The following DSCAML1 variants were observed in gnomAD, a reference collection of about 807,000 sequenced individuals.
DSCAML1 encodes DS cell adhesion molecule like 1.
Under a neutral mutation model 200.5 loss-of-function variants are expected in DSCAML1, and 38 were observed. The observed-to-expected ratio is 0.19, with a 90% CI of 0.15 to 0.25. The LOEUF is 0.25. Ranked by LOEUF, DSCAML1 falls within the 10% of genes least tolerant of loss-of-function variation. DSCAML1 has a pLI of 1.00. For missense variants in DSCAML1, 2,223 were observed against 2,858.8 expected (o/e 0.78, Z 5.07); for synonymous variants, 1,215 against 1,165.0 (o/e 1.04, Z -0.87).
chr11:117,525,566 TCTC>T (rs1388206135), intron 4 of DSCAML1, among the ~76,000 whole-genome samples: 1 of 151,456 alleles, frequency 6.6e-6, no homozygotes, highest in Non-Finnish European at 1.5e-5. Flanking sequence ...TTCAAGCAAT[TCTC>T]CTGTCTCAGC....
At chr11:117,703,972 T>C (rs185979132) in intron 3 of DSCAML1, among the ~76,000 whole-genome samples, 1 of 152,330 alleles carries the variant, frequency 6.6e-6, no homozygotes, top group Non-Finnish European at 1.5e-5. Flanking sequence ...ATCCCCATTT[T>C]ACAGATGAGG....
intron 3 of DSCAML1, among the ~76,000 whole-genome samples, chr11:117,647,184 G>A (rs2052536858): frequency 6.6e-6 from 1 of 152,260 alleles, no homozygotes; most frequent in African/African-American, 2.4e-5. Flanking sequence ...AAGAGTCCAA[G>A]TGACCTCTCA....
chr11:117,699,438 G>T (rs1055037247), intron 3 of DSCAML1, among the ~76,000 whole-genome samples: 1 of 152,204 alleles, frequency 6.6e-6, no homozygotes, highest in Non-Finnish European at 1.5e-5. Flanking sequence ...CAGAGGGGTT[G>T]GTGTTGCAAG....
upstream of DSCAML1, chr11:117,801,999 T>G (rs1237862219): frequency 6.6e-6 from 1 of 152,218 alleles, no homozygotes; most frequent in Non-Finnish European, 1.5e-5. Flanking sequence ...ATTGTCACAT[T>G]TCTCTCTGGG....
intron 3 of DSCAML1, among the ~76,000 whole-genome samples, chr11:117,764,935 GACTC>G: frequency 6.6e-6 from 1 of 152,150 alleles, no homozygotes; most frequent in Non-Finnish European, 1.5e-5. Flanking sequence ...CAGAGCCCCA[GACTC>G]CACCCACATG....
At chr11:117,804,442 C>G (rs1422714933) in intron 1 of DSCAML1, among the ~76,000 whole-genome samples, 2 of 152,172 alleles carry the variant, frequency 1.3e-5, no homozygotes, top group African/African-American at 4.8e-5. Flanking sequence ...TTTATCAAGC[C>G]CAAATCTGCC....
chr11:117,620,242 A>G (rs1025335092), intron 3 of DSCAML1, among the ~76,000 whole-genome samples: 7 of 152,266 alleles, frequency 4.6e-5, no homozygotes, highest in African/African-American at 1.7e-4. Context: ...GCCATGATCC[A>G]GCTTCCCCAT....
At chr11:117,736,756 C>T (rs141321994) in intron 3 of DSCAML1, among the ~76,000 whole-genome samples, 2 of 152,336 alleles carry the variant, frequency 1.3e-5, no homozygotes, top group East Asian at 3.9e-4. Context: ...TTGGCCCCAT[C>T]TCCTCATTTT....
rs2048526829 is a variant in DSCAML1 at position 117,463,774 on chromosome 11, G to A, written c.3265+1168C>T. Among the ~76,000 whole-genome samples, 2 of 152,136 alleles carry A rather than the reference G, an allele frequency of 1.3e-5. No individual in the cohort carries two copies. The highest frequency in any genetic ancestry group is 4.8e-5 in the African/African-American group (2 of 41,420). On this transcript the variant is annotated intron_variant, in intron 17 of 32. Coordinates refer to ENST00000651296, the MANE Select transcript of DSCAML1 (RefSeq NM_020693.4). The surrounding 1 kb of genome is among the most constrained non-coding windows in gnomAD (Gnocchi z 4.0). Reference sequence around the variant, plus strand: ...TCTTTCAGTTCTCCCCTCTTCTCAGGTGCTCAGTGCTCTGGGGCTATTGAA... The same window carrying A: ...TCTTTCAGTTCTCCCCTCTTCTCAGATGCTCAGTGCTCTGGGGCTATTGAA...
rs145875277 is a variant in DSCAML1 at position 117,557,960 on chromosome 11, C to T, written c.512-25438G>A. Reference sequence around the variant, plus strand: ...GCATCTAGTGGGTAAAGGCCAGGGACACTGCTAAATATCCTACAAGCCCGG... The same window carrying T: ...GCATCTAGTGGGTAAAGGCCAGGGATACTGCTAAATATCCTACAAGCCCGG... On this transcript the variant is annotated intron_variant, in intron 3 of 32. Coordinates refer to ENST00000651296, the MANE Select transcript of DSCAML1 (RefSeq NM_020693.4). Among the ~76,000 whole-genome samples, 254 of 152,192 alleles carry T rather than the reference C, an allele frequency of 1.7e-3. 1 individual carries two copies. The highest frequency in any genetic ancestry group is 5.6e-3 in the African/African-American group (232 of 41,510).
intron 3 of DSCAML1, among the ~76,000 whole-genome samples, chr11:117,585,470 C>T (rs1406284538): frequency 6.6e-6 from 1 of 152,134 alleles, no homozygotes; most frequent in Admixed American, 6.5e-5. Context: ...GGTGGTCTCC[C>T]TCTCCTGACC....
intron 32 of DSCAML1, 102 bp from the exon 33 acceptor site, chr11:117,428,905 T>C: frequency 8.3e-7 from 1 of 1,208,588 alleles, no homozygotes; most frequent in East Asian, 2.6e-5. Flanking sequence ...TCTCTCTGAT[T>C]TGGCATAGGG....
At chr11:117,475,383 A>G (rs1312949585) in intron 14 of DSCAML1, among the ~76,000 whole-genome samples, 1 of 151,986 alleles carries the variant, frequency 6.6e-6, no homozygotes, top group Non-Finnish European at 1.5e-5. Context: ...AAATTTCACA[A>G]CCTGACCCAG....
At position 117,504,373 on chromosome 11, in the gene DSCAML1, A is replaced by C. The variant is rs2049452134; in HGVS notation, c.2183-352T>G. On this transcript the variant is annotated intron_variant, in intron 10 of 32. Coordinates refer to ENST00000651296, the MANE Select transcript of DSCAML1 (RefSeq NM_020693.4). This position sits in a 1 kb window ranked among gnomAD's most constrained non-coding sequence, Gnocchi z 5.0. ...AGGTGGAGAGAAGATTGAGCCTTCA[A>C]ATGGCAGTTGTCTGGTCTCAGGCAA... is the stretch of plus-strand genomic sequence containing the variant. 6.6e-6 allele frequency among the ~76,000 whole-genome samples: 1 copy of C among 152,300 alleles called. No individual in the cohort carries two copies. Among genetic ancestry groups the C allele is most frequent in the South Asian group, 2.1e-4 (1 of 4,820 alleles).
intron 3 of DSCAML1, among the ~76,000 whole-genome samples, chr11:117,608,871 T>TATGCATTTTTAAA (rs60853404): frequency 1.3e-5 from 2 of 152,104 alleles, no homozygotes; most frequent in Non-Finnish European, 2.9e-5. Context: ...CATTGAGCAT[T>TATGCATTTTTAAA]ATATCTGCCA....
chr11:117,488,040 T>C (rs1298697730), intron 11 of DSCAML1, among the ~76,000 whole-genome samples: 1 of 152,208 alleles, frequency 6.6e-6, no homozygotes, highest in South Asian at 2.1e-4. Context: ...GAAGTGGTTC[T>C]ATGAATCAGA....
rs2137305014 is a variant in DSCAML1, at chr11:117,516,395, C to T, written c.1783+72G>A. 1 of 1,546,878 alleles carries T rather than the reference C, an allele frequency of 6.5e-7. No individual in the cohort carries two copies. The highest frequency in any genetic ancestry group is 2.3e-5 in the East Asian group (1 of 44,334). ...AGGATTGCCTATTGTTGTCTGAGTC[C>T]CAGCTGGGGAAAGGCCCACGCATCC... is the stretch of plus-strand genomic sequence containing the variant. On this transcript the variant is annotated intron_variant, in intron 8 of 32. Transcript: ENST00000651296. This position sits in a 1 kb window ranked among gnomAD's most constrained non-coding sequence, Gnocchi z 5.7.
intron 3 of DSCAML1, among the ~76,000 whole-genome samples, chr11:117,639,107 G>A (rs1046034324): frequency 6.6e-6 from 1 of 152,102 alleles, no homozygotes; most frequent in Non-Finnish European, 1.5e-5. Context: ...AGGGTCCAGA[G>A]GAAATGAAAA....
chr11:117,776,273 A>G (rs1388380031), intron 3 of DSCAML1, among the ~76,000 whole-genome samples: 1 of 152,160 alleles, frequency 6.6e-6, no homozygotes, highest in Admixed American at 6.5e-5. Flanking sequence ...TAGAATTCCA[A>G]TGGAGTCTTT....
Sources: gnomAD v4.1 joint callset for allele counts (sites outside exome capture counted in the v4.1 genomes callset) on GRCh38, gnomAD v4.1.1 for gene constraint, Gnocchi (gnomAD v3.1) non-coding constraint, MANE v1.5 for transcripts, NCBI Gene and HGNC (gene_info 2026-07-23, HGNC 2026-07-21) for gene names.